Variants in PAK1 observed in about 807,000 individuals in gnomAD.
The protein encoded by PAK1 is serine/threonine-protein kinase PAK 1.
PAK1 carries 29 observed loss-of-function variants against 67.4 expected under a neutral mutation model. The ratio of observed to expected loss-of-function variants is 0.43; its 90% CI spans 0.32 to 0.59. The LOEUF is 0.59. Ranked by LOEUF, PAK1 falls within the 20% of genes least tolerant of loss-of-function variation. The probability of loss-of-function intolerance (pLI) is 0.07; values close to 1 mark genes in which losing one functional copy is unlikely to be tolerated. For synonymous variants in PAK1, 223 were observed against 237.4 expected (o/e 0.94, Z 0.56); for missense variants, 337 against 670.7 (o/e 0.50, Z 5.50).
rs111498444 is a variant in PAK1 at position 77,389,043 on chromosome 11, A to G, written c.190+3288T>C. On this transcript the variant is annotated intron_variant, in intron 2 of 14. Coordinates refer to ENST00000356341, the MANE Select transcript of PAK1 (RefSeq NM_002576.5). ...AATTTTAGAACATTTCATCACTACAAAAAGAAACCCCACCCCTCTTAGTAA... is the reference window on the plus strand; with the variant it reads ...AATTTTAGAACATTTCATCACTACAGAAAGAAACCCCACCCCTCTTAGTAA... 8.6e-3 allele frequency among the ~76,000 whole-genome samples: 1,308 copies of G among 152,268 alleles called. 25 individuals are homozygous for G. Among genetic ancestry groups the G allele is most frequent in the African/African-American group, 0.03 (1,243 of 41,540 alleles).
At position 77,332,775 on chromosome 11, in the gene PAK1, G is replaced by A. The variant is rs759338292; in HGVS notation, c.1506C>T (p.Leu502=). The change falls in exon 14 of 15, where the codon CTC becomes CTT. Residue 502 remains leucine (L), a synonymous_variant. Transcript: ENST00000356341. ...AIFRDFLNRC[L]EMDVEKRGSA... Reference sequence around the variant, plus strand: ...AACCTCTCTTCTCCACATCCATCTCGAGACAGCGGTTCAGAAAGTCCCGGA... The same window carrying A: ...AACCTCTCTTCTCCACATCCATCTCAAGACAGCGGTTCAGAAAGTCCCGGA... The A allele has an allele frequency of 3.2e-5, 51 of 1,613,552 alleles. No homozygotes were observed. Among genetic ancestry groups the A allele is most frequent in the Middle Eastern group, 1.6e-4 (1 of 6,080 alleles).
the PAK1 span, among the ~76,000 whole-genome samples, chr11:77,515,164 C>T: frequency 1.3e-5 from 2 of 152,092 alleles, no homozygotes; most frequent in African/African-American, 4.8e-5. Context: ...CATAGGTTTC[C>T]ATTGTACATT....
the PAK1 span, among the ~76,000 whole-genome samples, chr11:77,481,442 C>T: frequency 6.6e-5 from 10 of 151,846 alleles, no homozygotes; most frequent in African/African-American, 1.5e-4. Flanking sequence ...TTTGGGAGGC[C>T]GAGGCGGGCG....
At chr11:77,325,299 C>A in intron 14 of PAK1, 1 of 1,613,578 alleles carries the variant, frequency 6.2e-7, no homozygotes, top group Non-Finnish European at 8.5e-7. Flanking sequence ...GAGAGCCAAA[C>A]AGGCTGAAAT....
At chr11:77,446,314 C>A (rs1490602270) in intron 1 of PAK1, among the ~76,000 whole-genome samples, 2 of 152,016 alleles carry the variant, frequency 1.3e-5, no homozygotes, top group Non-Finnish European at 1.5e-5. Flanking sequence ...GAGTTCGAGA[C>A]CAGCCTGGCC....
At chr11:77,481,477 C>T in the PAK1 span, among the ~76,000 whole-genome samples, 2 of 151,876 alleles carry the variant, frequency 1.3e-5, no homozygotes, top group Non-Finnish European at 2.9e-5. Flanking sequence ...TAGGTCGAGA[C>T]CATCCTGGCC....
At chr11:77,434,626 T>C (rs145187762) in intron 1 of PAK1, among the ~76,000 whole-genome samples, 446 of 151,338 alleles carry the variant, frequency 2.9e-3, no homozygotes, top group African/African-American at 0.01. Flanking sequence ...TTTATTTATT[T>C]ACTTATTTAT....
intron 1 of PAK1, among the ~76,000 whole-genome samples, chr11:77,400,583 T>C (rs779689863): frequency 3.9e-5 from 6 of 152,184 alleles, no homozygotes; most frequent in African/African-American, 1.4e-4. Flanking sequence ...TGGTGCTTAG[T>C]CCAAGTCACA....
At chr11:77,493,223 C>A in the PAK1 span, among the ~76,000 whole-genome samples, 1 of 151,288 alleles carries the variant, frequency 6.6e-6, no homozygotes, top group African/African-American at 2.4e-5. Flanking sequence ...CTCGGCCTCC[C>A]AAGTAGCTGG....
At chr11:77,511,827 G>T in the PAK1 span, among the ~76,000 whole-genome samples, 1 of 152,146 alleles carries the variant, frequency 6.6e-6, no homozygotes, top group Non-Finnish European at 1.5e-5. Context: ...TCAGAGTGGG[G>T]GTAGTCTCCA....
chr11:77,402,276 C>A (rs1405593114), intron 1 of PAK1, among the ~76,000 whole-genome samples: 9 of 152,078 alleles, frequency 5.9e-5, no homozygotes. Context: ...GAAGTGGAAA[C>A]GGCAGAGAAA....
At chr11:77,460,173 G>A (rs532101134) in intron 1 of PAK1, among the ~76,000 whole-genome samples, 5 of 142,156 alleles carry the variant, frequency 3.5e-5, no homozygotes, top group Admixed American at 1.4e-4. Context: ...AAAAAAAAAA[G>A]GGATGAAAAG....
At chr11:77,337,531 T>C in intron 11 of PAK1, 108 bp from the exon 12 acceptor site, 1 of 538,222 alleles carries the variant, frequency 1.9e-6, no homozygotes, top group African/African-American at 1.9e-5. Context: ...ATAAAGGAAG[T>C]AAGGCCCCAG....
chr11:77,483,586 T>C, the PAK1 span, among the ~76,000 whole-genome samples: 2 of 152,184 alleles, frequency 1.3e-5, no homozygotes, highest in Admixed American at 6.5e-5. Flanking sequence ...GGAAACTTTG[T>C]GGGGTATTGG....
In PAK1 at chr11:77,468,393, T is replaced by A. The variant is rs117554827; in HGVS notation, c.-22+5159A>T. Among the ~76,000 whole-genome samples, 289 of 152,284 alleles carry A rather than the reference T, an allele frequency of 1.9e-3. 4 individuals carry two copies. The highest frequency in any genetic ancestry group is 0.014 in the Admixed American group (207 of 15,292). The stretch of plus-strand genomic sequence containing the variant: ...AGGGATAATCCGGAGAAGCCTAGCA[T>A]ATACATGACTTTCCCCATCTCAAAA... On this transcript the variant is annotated intron_variant, in intron 1 of 14. Transcript: ENST00000356341.
the PAK1 span, among the ~76,000 whole-genome samples, chr11:77,517,908 T>C: frequency 6.6e-6 from 1 of 152,106 alleles, no homozygotes; most frequent in Non-Finnish European, 1.5e-5. Context: ...AAGAACCTAA[T>C]GCCATCTGAG....
the PAK1 span, among the ~76,000 whole-genome samples, chr11:77,509,910 A>G: frequency 6.6e-6 from 1 of 152,166 alleles, no homozygotes; most frequent in Non-Finnish European, 1.5e-5. Context: ...TCTCTTCTGT[A>G]TAAGTTACCC....
chr11:77,523,860 C>T, the PAK1 span, among the ~76,000 whole-genome samples: 1 of 152,180 alleles, frequency 6.6e-6, no homozygotes, highest in Non-Finnish European at 1.5e-5. Context: ...GCTCCAGTTT[C>T]TCAGTGTCAC....
chr11:77,391,771 A>C (rs1951172941), intron 2 of PAK1, among the ~76,000 whole-genome samples: 1 of 152,168 alleles, frequency 6.6e-6, no homozygotes, highest in Non-Finnish European at 1.5e-5. Context: ...CTATTAACAG[A>C]AGTTTTATCA....
Sources: gnomAD v4.1 joint callset for allele counts (sites outside exome capture counted in the v4.1 genomes callset) on GRCh38, gnomAD v4.1.1 for gene constraint, MANE v1.5 for transcripts, NCBI Gene and HGNC (gene_info 2026-07-23, HGNC 2026-07-21) for gene names.